Variants in CHAF1A observed in about 807,000 individuals in gnomAD.
CHAF1A encodes the protein chromatin assembly factor 1 subunit A.
Under a neutral mutation model 93.2 loss-of-function variants are expected in CHAF1A, and 5 were observed. That is an observed-to-expected ratio of 0.05 (90% CI 0.03 to 0.11). The LOEUF is 0.11. Ranked by LOEUF, CHAF1A falls within the 10% of genes least tolerant of loss-of-function variation. CHAF1A has a pLI of 1.00. For synonymous variants in CHAF1A, 504 were observed against 510.3 expected (o/e 0.99, Z 0.17); for missense variants, 1,102 against 1,259.9 (o/e 0.87, Z 1.90).
At chr19:4,414,642 CTT>C (rs1363360271) in intron 3 of CHAF1A, among the ~76,000 whole-genome samples, 1 of 152,090 alleles carries the variant, frequency 6.6e-6, no homozygotes, top group African/African-American at 2.4e-5. Flanking sequence ...AGATGGAGCT[CTT>C]TTTAACAGCT....
chr19:4,402,921 T>C, intron 1 of CHAF1A, 107 bp downstream of exon 1: 2 of 668,504 alleles, frequency 3.0e-6, no homozygotes, highest in Non-Finnish European at 4.1e-6. Context: ...AGCCTGGTCC[T>C]GCGGGCCGGG....
At chr19:4,444,070 C>T (rs1317446129), downstream of CHAF1A, among the ~76,000 whole-genome samples, 1 of 152,208 alleles carries the variant, frequency 6.6e-6, no homozygotes, top group Non-Finnish European at 1.5e-5. Context: ...AGAGGCTGCC[C>T]CTGTGCCACA....
At chr19:4,416,268 C>T (rs1973895888) in intron 3 of CHAF1A, among the ~76,000 whole-genome samples, 1 of 152,242 alleles carries the variant, frequency 6.6e-6, no homozygotes, top group Non-Finnish European at 1.5e-5. Context: ...TTCAGTCTTA[C>T]ACTGCAAGTC....
chr19:4,427,285 G>T (rs1351880050), intron 7 of CHAF1A, among the ~76,000 whole-genome samples: 1 of 146,800 alleles, frequency 6.8e-6, no homozygotes, highest in Non-Finnish European at 1.5e-5. Flanking sequence ...GAGTAGCTGG[G>T]ACTACAGGTG....
At chr19:4,402,860 G>GT in intron 1 of CHAF1A, 46 bp downstream of exon 1, 3 of 1,118,172 alleles carry the variant, frequency 2.7e-6, no homozygotes, top group Non-Finnish European at 3.4e-6. Context: ...GCGGCGCGCG[G>GT]CCTGGACGGG....
intron 12 of CHAF1A, among the ~76,000 whole-genome samples, chr19:4,432,559 G>C (rs916745143): frequency 6.6e-6 from 1 of 151,892 alleles, no homozygotes; most frequent in South Asian, 2.1e-4. Context: ...CTAGTGCTTC[G>C]ACACCAGCCT....
intron 3 of CHAF1A, among the ~76,000 whole-genome samples, chr19:4,413,483 G>C (rs1973844656): frequency 6.6e-6 from 1 of 152,150 alleles, no homozygotes; most frequent in Non-Finnish European, 1.5e-5. Flanking sequence ...CTCCCTACCA[G>C]CAGCTCTTTC....
downstream of CHAF1A, chr19:4,446,571 G>A (rs149091880): frequency 6.1e-5 from 98 of 1,612,582 alleles, no homozygotes; most frequent in African/African-American, 1.1e-3. Flanking sequence ...CGAACTGCGA[G>A]GCCAGGGGCG....
intron 3 of CHAF1A, among the ~76,000 whole-genome samples, chr19:4,412,313 C>T (rs995498508): frequency 3.3e-5 from 5 of 152,312 alleles, no homozygotes; most frequent in African/African-American, 7.2e-5. Flanking sequence ...GACGCCGAGG[C>T]GGGTGGATCA....
In CHAF1A at chr19:4,442,261, T is replaced by C. The variant is rs1974405231; in HGVS notation, c.2690T>C (p.Met897Thr). 6.2e-7 allele frequency: 1 copy of C among 1,614,038 alleles called. No individual in the cohort carries two copies. Among genetic ancestry groups the C allele is most frequent in the Non-Finnish European group, 8.5e-7 (1 of 1,179,970 alleles). The part of the protein sequence containing the change: ...RHDGQIGAED[M>T]DGFQADTEEE... Reference sequence around the variant, plus strand: ...TCTGTCCAGATTGGTGCTGAAGACATGGACGGCTTCCAGGCAGACACGGAG... The same window carrying C: ...TCTGTCCAGATTGGTGCTGAAGACACGGACGGCTTCCAGGCAGACACGGAG... Residue 897 changes from methionine (M) to threonine (T), a missense_variant, in exon 14 of 15, where the codon ATG becomes ACG. Met to Thr is a moderately conservative substitution (Grantham distance 81). Transcript: ENST00000301280.
chr19:4,408,186 C>A (rs116214855), intron 2 of CHAF1A, among the ~76,000 whole-genome samples: 3,687 of 150,342 alleles, frequency 0.025, 146 homozygotes, highest in African/African-American at 0.086. Context: ...ATAGCCCCTG[C>A]CCCGTCTTTT....
chr19:4,432,624 G>A (rs930558134), intron 12 of CHAF1A, among the ~76,000 whole-genome samples: 6 of 152,172 alleles, frequency 3.9e-5, no homozygotes, highest in South Asian at 2.1e-4. Context: ...CCTGGGTGTG[G>A]TATCACGCAC....
chr19:4,446,717 C>A, downstream of CHAF1A: 1 of 1,608,454 alleles, frequency 6.2e-7, no homozygotes, highest in Non-Finnish European at 8.5e-7. Context: ...TCCTCGGGGT[C>A]CTCTACAGCG....
Position 4,409,426 on chromosome 19 carries a change from G to A in CHAF1A, c.627G>A (p.Glu209=), listed in dbSNP as rs1973748554. The A allele has an allele frequency of 3.1e-6, 5 of 1,614,178 alleles. No homozygotes were observed. The highest frequency in any genetic ancestry group is 4.2e-6 in the Non-Finnish European group (5 of 1,180,034). Residue 209 remains glutamate (E), a synonymous_variant, in exon 3 of 15, where the codon GAG becomes GAA. Coordinates refer to ENST00000301280, the MANE Select transcript of CHAF1A (RefSeq NM_005483.3). ...AATGTTCGCCACGGAGCTGCCCGGA[G>A]CTGACGAGTGGCCCGAGAATGTGCC... ...SQECSPRSCP[E]LTSGPRMCPR...
intron 12 of CHAF1A, 93 bp from the exon 13 acceptor site, chr19:4,432,977 G>T (rs1974214391): frequency 6.6e-6 from 7 of 1,063,758 alleles, no homozygotes; most frequent in Non-Finnish European, 8.0e-6. Flanking sequence ...CCAAGCCTCG[G>T]TGGCAATGAG....
In CHAF1A at chr19:4,433,435, C is replaced by T. The variant is rs1461380218; in HGVS notation, c.2569C>T (p.Pro857Ser). ...CCCCAAAGAGGACAGTGGCAGCGTC[C>T]CCTCCACGGGGCCCAGCCAGGGCAC... ...SAPKEDSGSV[P>S]STGPSQGTPI... Residue 857 changes from proline (P) to serine (S), a missense_variant, in exon 13 of 15, where the codon CCC becomes TCC. This residue lies in a region of CHAF1A where 76 missense variants were observed against 129.8 expected (regional missense o/e 0.59). Coordinates refer to ENST00000301280, the MANE Select transcript of CHAF1A (RefSeq NM_005483.3). The surrounding 1 kb of genome is among the most constrained non-coding windows in gnomAD (Gnocchi z 5.6). 1.2e-6 allele frequency: 2 copies of T among 1,609,402 alleles called. No homozygotes were observed. The highest frequency in any genetic ancestry group is 1.7e-6 in the Non-Finnish European group (2 of 1,176,476).
In CHAF1A at chr19:4,433,075, G is replaced by A; in HGVS notation, c.2209G>A (p.Ala737Thr). Residue 737 changes from alanine (A) to threonine (T), a missense_variant, in exon 13 of 15, where the codon GCC (alanine) becomes ACC (threonine). Physicochemically the swap from Ala to Thr is moderately conservative, Grantham distance 58. Around this residue, in one of 6 missense-constraint regions of CHAF1A, gnomAD observed 335 missense variants for 361.9 expected, o/e 0.93. Transcript: ENST00000301280. The surrounding 1 kb of genome is among the most constrained non-coding windows in gnomAD (Gnocchi z 5.6). ...KRERRDEQIL[A>T]QLLPLLHGNV... is the part of the protein sequence containing the mutation. ...CCCATGTTCCCTCCTGCCAGTCCTGGCCCAGCTGCTGCCGCTCCTGCACGG... is the reference window on the plus strand; with the variant it reads ...CCCATGTTCCCTCCTGCCAGTCCTGACCCAGCTGCTGCCGCTCCTGCACGG... 1 of 1,567,602 alleles carries A rather than the reference G, an allele frequency of 6.4e-7. No homozygotes were observed. The highest frequency in any genetic ancestry group is 8.7e-7 in the Non-Finnish European group (1 of 1,151,646).
At chr19:4,444,214 G>A (rs1016475414), downstream of CHAF1A, among the ~76,000 whole-genome samples, 2 of 152,186 alleles carry the variant, frequency 1.3e-5, no homozygotes. Context: ...TGCCGGGGGC[G>A]AGGGAGGGAC....
intron 13 of CHAF1A, among the ~76,000 whole-genome samples, chr19:4,442,041 C>A (rs1027135134): frequency 6.6e-6 from 1 of 152,192 alleles, no homozygotes. Context: ...TTGAGGGAAC[C>A]CCCAAGGTTC....
Sources: allele counts gnomAD v4.1 joint callset (sites outside exome capture counted in the v4.1 genomes callset), GRCh38; gene constraint gnomAD v4.1.1; regional missense constraint gnomAD v4.1.1; non-coding constraint Gnocchi (gnomAD v3.1); transcripts MANE v1.5; gene names NCBI Gene and HGNC (gene_info 2026-07-23, HGNC 2026-07-21).